Variants in ATP8B4 observed in about 807,000 individuals in gnomAD.
ATP8B4 encodes ATPase phospholipid transporting 8B4 (putative), also known as probable phospholipid-transporting ATPase IM.
Under a neutral mutation model 145.6 loss-of-function variants are expected in ATP8B4, and 133 were observed. The ratio of observed to expected loss-of-function variants is 0.91; its 90% CI spans 0.79 to 1.05. ATP8B4 has a LOEUF of 1.05. ATP8B4 is among the 50% of genes least tolerant of loss of function. The pLI is 0.00. For missense variants in ATP8B4, 1,458 were observed against 1,425.2 expected, an observed-to-expected ratio of 1.02 and a Z score of -0.37; for synonymous variants, 507 against 492.9, an observed-to-expected ratio of 1.03 and a Z score of -0.38.
intron 17 of ATP8B4, 70 bp from the exon 18 acceptor site, chr15:49,920,480 T>A (rs2040160332): frequency 8.2e-6 from 12 of 1,463,708 alleles, no homozygotes; most frequent in Middle Eastern, 1.8e-4. Flanking sequence ...ACAACAAAAA[T>A]AATTGGTGAG....
At chr15:50,019,882 A>G (rs922525261) in intron 6 of ATP8B4, among the ~76,000 whole-genome samples, 6 of 152,030 alleles carry the variant, frequency 3.9e-5, no homozygotes, top group African/African-American at 1.5e-4. Context: ...TCTTTTGCCC[A>G]TCTTCAAACT....
At chr15:50,013,578 G>A (rs892562901) in intron 6 of ATP8B4, among the ~76,000 whole-genome samples, 10 of 151,716 alleles carry the variant, frequency 6.6e-5, no homozygotes, top group Non-Finnish European at 1.5e-5. Context: ...AATACATATG[G>A]GATAATAAGA....
chr15:50,068,460 T>C (rs1192059660), intron 3 of ATP8B4, among the ~76,000 whole-genome samples: 2 of 152,152 alleles, frequency 1.3e-5, no homozygotes, highest in African/African-American at 2.4e-5. Flanking sequence ...AACTACAGCA[T>C]TAGAATCATA....
chr15:50,168,174 C>T (rs1248287973), intron 1 of ATP8B4, among the ~76,000 whole-genome samples: 2 of 152,124 alleles, frequency 1.3e-5, no homozygotes. Context: ...CCAACACATT[C>T]GGGAATGAAG....
intron 1 of ATP8B4, among the ~76,000 whole-genome samples, chr15:50,129,097 G>A (rs1595629333): frequency 6.6e-6 from 1 of 152,046 alleles, no homozygotes; most frequent in Non-Finnish European, 1.5e-5. Context: ...TAAAAGTTAA[G>A]TAGCCACATT....
At chr15:50,062,867 T>C (rs184066594) in intron 3 of ATP8B4, among the ~76,000 whole-genome samples, 5 of 152,318 alleles carry the variant, frequency 3.3e-5, no homozygotes, top group Admixed American at 2.6e-4. Context: ...TCAGCTCATT[T>C]GTGCTTCTAA....
chr15:49,961,390 A>G (rs1327647738), intron 14 of ATP8B4, among the ~76,000 whole-genome samples: 1 of 152,220 alleles, frequency 6.6e-6, no homozygotes, highest in African/African-American at 2.4e-5. Flanking sequence ...GCAATTTGCA[A>G]TATTTATCAA....
intron 25 of ATP8B4, among the ~76,000 whole-genome samples, chr15:49,874,122 T>C (rs1471525166): frequency 6.6e-6 from 1 of 152,218 alleles, no homozygotes; most frequent in Non-Finnish European, 1.5e-5. Context: ...CAGCTCTGGG[T>C]ATACAGCGAT....
intron 19 of ATP8B4, among the ~76,000 whole-genome samples, chr15:49,918,504 A>C (rs765204394): frequency 6.6e-6 from 1 of 152,190 alleles, no homozygotes; most frequent in Non-Finnish European, 1.5e-5. Context: ...GTTCTGTGCC[A>C]ATATCTGTCC....
intron 20 of ATP8B4, among the ~76,000 whole-genome samples, chr15:49,910,099 G>GA (rs1276982452): frequency 2.0e-5 from 3 of 151,674 alleles, no homozygotes; most frequent in South Asian, 2.1e-4. Flanking sequence ...ACAAAGAAAT[G>GA]AAAAAAACAA....
chr15:50,030,025 G>C (rs1415907307), intron 6 of ATP8B4, among the ~76,000 whole-genome samples: 2 of 152,154 alleles, frequency 1.3e-5, no homozygotes. Context: ...ATGTTGGTTT[G>C]GTTTGGTGTA....
chr15:49,878,234 T>A (rs1424138462), intron 24 of ATP8B4, among the ~76,000 whole-genome samples: 1 of 152,244 alleles, frequency 6.6e-6, no homozygotes, highest in African/African-American at 2.4e-5. Flanking sequence ...GAAACACTTG[T>A]AAACATGGGC....
At chr15:49,971,609 AG>A (rs1180233850) in intron 13 of ATP8B4, among the ~76,000 whole-genome samples, 1 of 152,234 alleles carries the variant, frequency 6.6e-6, no homozygotes, top group Non-Finnish European at 1.5e-5. Flanking sequence ...ATCATTAAAA[AG>A]TCAGGAAAAA....
intron 9 of ATP8B4, 93 bp from the exon 10 acceptor site, chr15:49,987,642 C>G: frequency 7.7e-7 from 1 of 1,297,732 alleles, no homozygotes; most frequent in Non-Finnish European, 1.1e-6. Flanking sequence ...GTTTCCCTCT[C>G]CTTTAGACAG....
chr15:49,899,899 C>T (rs988688446), intron 21 of ATP8B4, among the ~76,000 whole-genome samples: 11 of 152,064 alleles, frequency 7.2e-5, no homozygotes, highest in Non-Finnish European at 1.5e-4. Flanking sequence ...TCTATCTTAC[C>T]TCCTTCTTTC....
chr15:50,126,664 G>C (rs2057309567), intron 1 of ATP8B4, among the ~76,000 whole-genome samples: 1 of 152,128 alleles, frequency 6.6e-6, no homozygotes, highest in Non-Finnish European at 1.5e-5. Flanking sequence ...GACTAGCTAG[G>C]TGCCTGGAAT....
chr15:49,909,487 T>C (rs1333081951), intron 20 of ATP8B4, among the ~76,000 whole-genome samples: 1 of 152,106 alleles, frequency 6.6e-6, no homozygotes, highest in Non-Finnish European at 1.5e-5. Flanking sequence ...TGCTGTCACC[T>C]GAGCAAGCCT....
intron 1 of ATP8B4, among the ~76,000 whole-genome samples, chr15:50,128,631 A>G (rs2057322892): frequency 6.6e-6 from 1 of 151,886 alleles, no homozygotes. Flanking sequence ...AAAAAAGACT[A>G]AATAATCAAA....
chr15:49,862,457 ATCT>A (rs1277591719), intron 26 of ATP8B4, 82 bp from the exon 27 acceptor site: 3 of 1,445,100 alleles, frequency 2.1e-6, no homozygotes, highest in Non-Finnish European at 2.8e-6. Context: ...TTCCTACAAG[ATCT>A]TTTTTTTTTT....
Sources: gnomAD v4.1 joint callset for allele counts (sites outside exome capture counted in the v4.1 genomes callset) on GRCh38, gnomAD v4.1.1 for gene constraint, MANE v1.5 for transcripts, NCBI Gene and HGNC (gene_info 2026-07-23, HGNC 2026-07-21) for gene names.